Variants in COX7B2 observed in about 807,000 individuals in gnomAD.
COX7B2 encodes cytochrome c oxidase subunit 7B2.
For missense variants in COX7B2, 109 were observed against 95.9 expected, an observed-to-expected ratio of 1.14 and a Z score of -0.57; for synonymous variants, 37 against 32.1, an observed-to-expected ratio of 1.15 and a Z score of -0.51.
At chr4:46,748,940 C>T (rs185217015) in intron 2 of COX7B2, among the ~76,000 whole-genome samples, 2 of 152,244 alleles carry the variant, frequency 1.3e-5, no homozygotes, top group East Asian at 3.9e-4. Context: ...CATATATGAA[C>T]TCTCTTGTTA....
intron 2 of COX7B2, among the ~76,000 whole-genome samples, chr4:46,765,884 T>G (rs1255565134): frequency 6.6e-6 from 1 of 152,152 alleles, no homozygotes; most frequent in South Asian, 2.1e-4. Context: ...AGTTCCAGGC[T>G]GACTCTCACA....
intron 2 of COX7B2, among the ~76,000 whole-genome samples, chr4:46,831,057 G>A (rs1226939050): frequency 1.3e-5 from 2 of 152,168 alleles, no homozygotes; most frequent in Non-Finnish European, 2.9e-5. Context: ...GCATGGGCGG[G>A]AACCCGGGCT....
At chr4:46,768,029 G>A (rs768199545) in intron 2 of COX7B2, among the ~76,000 whole-genome samples, 5 of 152,224 alleles carry the variant, frequency 3.3e-5, no homozygotes, top group Non-Finnish European at 4.4e-5. Flanking sequence ...CAGCGTCAGC[G>A]GTTGCCCGCA....
At position 46,734,859 on chromosome 4, in the gene COX7B2, C is replaced by A; in HGVS notation, c.*88G>T. The A allele has an allele frequency of 7.0e-7, 1 of 1,438,538 alleles. No individual in the cohort carries two copies. The highest frequency in any genetic ancestry group is 9.6e-7 in the Non-Finnish European group (1 of 1,041,386). The allele number at this position is 1,438,538 out of a possible 1,614,324, so 89.1% of individuals were successfully genotyped here. ...AGATTTAAAACACATTTTATTTTTT[C>A]AATTGTGCTATATTTTAATAAGCAG... On this transcript the variant is annotated 3_prime_UTR_variant, in exon 3 of 3. Transcript: ENST00000355591.
At chr4:46,777,029 A>G (rs1207918903) in intron 2 of COX7B2, among the ~76,000 whole-genome samples, 2 of 152,168 alleles carry the variant, frequency 1.3e-5, no homozygotes, top group African/African-American at 4.8e-5. Flanking sequence ...ACTGAATATA[A>G]ATATGCTAAA....
chr4:46,772,236 C>T (rs533856117), intron 2 of COX7B2, among the ~76,000 whole-genome samples: 3 of 151,960 alleles, frequency 2.0e-5, no homozygotes, highest in Admixed American at 6.6e-5. Flanking sequence ...ATATATGGAA[C>T]CTAAAAAAAT....
At chr4:46,767,462 A>G (rs544584481) in intron 2 of COX7B2, among the ~76,000 whole-genome samples, 2 of 152,358 alleles carry the variant, frequency 1.3e-5, no homozygotes, top group Admixed American at 6.5e-5. Flanking sequence ...ATAAAACATC[A>G]ATAAAGAAAT....
chr4:46,773,696 G>C (rs1717002263), intron 2 of COX7B2, among the ~76,000 whole-genome samples: 1 of 152,036 alleles, frequency 6.6e-6, no homozygotes, highest in South Asian at 2.1e-4. Context: ...AATTTGAGCT[G>C]GGCTTCTGGA....
intron 2 of COX7B2, among the ~76,000 whole-genome samples, chr4:46,756,081 C>G (rs565827545): frequency 1.3e-5 from 2 of 152,024 alleles, no homozygotes; most frequent in Admixed American, 1.3e-4. Context: ...GCTATGGTAA[C>G]CAAAACACCA....
chr4:46,792,190 C>G (rs2109588824), intron 2 of COX7B2, among the ~76,000 whole-genome samples: 1 of 152,302 alleles, frequency 6.6e-6, no homozygotes, highest in South Asian at 2.1e-4. Flanking sequence ...CAATTCTATA[C>G]TGACTAAGAG....
At chr4:46,909,041 T>A (rs1323327000) in intron 1 of COX7B2, 119 bp downstream of exon 1, 2 of 149,568 alleles carry the variant, frequency 1.3e-5, no homozygotes, top group Non-Finnish European at 3.0e-5. Context: ...TGAGACTCCG[T>A]CTCAAAAAAA....
chr4:46,870,211 AT>A (rs1717898529), intron 1 of COX7B2, among the ~76,000 whole-genome samples: 4 of 152,150 alleles, frequency 2.6e-5, no homozygotes, highest in African/African-American at 9.7e-5. Flanking sequence ...GATTAATCAC[AT>A]AAAAAAACTA....
chr4:46,842,712 C>T (rs2109758856), intron 2 of COX7B2, among the ~76,000 whole-genome samples: 1 of 152,136 alleles, frequency 6.6e-6, no homozygotes, highest in African/African-American at 2.4e-5. Flanking sequence ...TCATCCATGT[C>T]CCTACAAAGG....
rs556472067 is a variant in COX7B2 at position 46,830,122 on chromosome 4, G to A, written c.-50+14838C>T. ...GTGCAGATCATGAAGTCAGGAGTTC[G>A]AGACCAGCCTGGCCAACATGGTGAA... On this transcript the variant is annotated intron_variant, in intron 2 of 2. Coordinates refer to ENST00000355591, the MANE Select transcript of COX7B2 (RefSeq NM_130902.3). Among the ~76,000 whole-genome samples, 9 of 152,048 alleles carry A rather than the reference G, an allele frequency of 5.9e-5. No individual in the cohort carries two copies. In the South Asian group the frequency reaches 1.0e-3, roughly 18 times the overall value.
intron 1 of COX7B2, among the ~76,000 whole-genome samples, chr4:46,860,282 T>G (rs533696983): frequency 1.6e-4 from 25 of 152,260 alleles, no homozygotes; most frequent in African/African-American, 3.9e-4. Context: ...CTACTAACAC[T>G]GAAGAGCTGT....
At chr4:46,882,286 A>G (rs1718797509) in intron 1 of COX7B2, among the ~76,000 whole-genome samples, 3 of 152,042 alleles carry the variant, frequency 2.0e-5, no homozygotes, top group Non-Finnish European at 4.4e-5. Context: ...TTTGGTAGAG[A>G]GTTCTGTAAA....
intron 2 of COX7B2, among the ~76,000 whole-genome samples, chr4:46,784,696 T>A (rs2109564104): frequency 6.6e-6 from 1 of 152,334 alleles, no homozygotes; most frequent in African/African-American, 2.4e-5. Context: ...CCACCTGAAG[T>A]AAAATTCTCA....
At chr4:46,902,481 T>A (rs1353534491) in intron 1 of COX7B2, among the ~76,000 whole-genome samples, 1 of 152,234 alleles carries the variant, frequency 6.6e-6, no homozygotes, top group Admixed American at 6.5e-5. Flanking sequence ...GGCATGGCTG[T>A]CCTTCAGAGA....
chr4:46,876,039 G>A (rs903014255), intron 1 of COX7B2, among the ~76,000 whole-genome samples: 7 of 152,062 alleles, frequency 4.6e-5, no homozygotes, highest in African/African-American at 1.4e-4. Context: ...AACAATTGAA[G>A]ACATGAATAT....
Sources: allele counts gnomAD v4.1 joint callset (sites outside exome capture counted in the v4.1 genomes callset), GRCh38; gene constraint gnomAD v4.1.1; transcripts MANE v1.5; gene names NCBI Gene and HGNC (gene_info 2026-07-23, HGNC 2026-07-21).